Variants in URI1 observed in about 807,000 individuals in gnomAD.
URI1 encodes unconventional prefoldin RPB5 interactor 1.
In URI1, 39 loss-of-function variants were observed where a neutral mutation model predicts 60.2. The ratio of observed to expected loss-of-function variants is 0.65; its 90% CI spans 0.50 to 0.85. URI1 has a LOEUF of 0.85. Among genes scored for constraint, URI1 ranks in the 40% least tolerant of loss-of-function variants. The pLI is 0.00. For missense variants in URI1, 691 were observed against 665.9 expected (o/e 1.04, Z -0.42); for synonymous variants, 251 against 236.8 (o/e 1.06, Z -0.55).
At chr19:29,924,362 C>A (rs1034494291) in intron 1 of URI1, among the ~76,000 whole-genome samples, 1 of 152,182 alleles carries the variant, frequency 6.6e-6, no homozygotes, top group Non-Finnish European at 1.5e-5. Context: ...GTTTTACCAG[C>A]CTCCTCCACA....
At chr19:29,956,116 C>G (rs2055243600) in intron 1 of URI1, among the ~76,000 whole-genome samples, 1 of 151,734 alleles carries the variant, frequency 6.6e-6, no homozygotes, top group Non-Finnish European at 1.5e-5. Context: ...TCCCATGTTG[C>G]TGGGATTACA....
intron 1 of URI1, among the ~76,000 whole-genome samples, chr19:29,928,539 C>T (rs2054890061): frequency 6.6e-6 from 1 of 152,096 alleles, no homozygotes; most frequent in South Asian, 2.1e-4. Flanking sequence ...ATTTAAGTGG[C>T]AGGGACTTTG....
intron 4 of URI1, among the ~76,000 whole-genome samples, chr19:29,993,708 A>G (rs1433428861): frequency 6.6e-6 from 1 of 152,178 alleles, no homozygotes; most frequent in Non-Finnish European, 1.5e-5. Flanking sequence ...GACATGATAC[A>G]AAATCTAAAG....
chr19:29,944,139 T>TCATATATATA (rs2055067163), intron 1 of URI1, among the ~76,000 whole-genome samples: 1 of 30,564 alleles, frequency 3.3e-5, no homozygotes, highest in Non-Finnish European at 8.4e-5. Flanking sequence ...ACCCTGTCAT[T>TCATATATATA]CATATATATA....
At chr19:29,937,656 T>G (rs904592918), upstream of URI1, 5 of 152,224 alleles carry the variant, frequency 3.3e-5, no homozygotes, top group Non-Finnish European at 5.9e-5. Context: ...ACCAGTGACC[T>G]GGAAATGATA....
At chr19:29,990,810 C>T (rs528627134) in intron 4 of URI1, among the ~76,000 whole-genome samples, 7 of 152,196 alleles carry the variant, frequency 4.6e-5, no homozygotes, top group Non-Finnish European at 7.4e-5. Context: ...TTGCACAACC[C>T]TTTGAATATA....
At position 29,924,420 on chromosome 19, in the gene URI1, C is replaced by T. The variant is rs114637810; in HGVS notation, c.63+666C>T. Among the ~76,000 whole-genome samples, 372 of 152,272 alleles carry T rather than the reference C, an allele frequency of 2.4e-3. 1 individual carries two copies. The highest frequency in any genetic ancestry group is 8.2e-3 in the African/African-American group (341 of 41,538). The stretch of plus-strand genomic sequence containing the variant: ...AGGACAGGAGCCCCCCATTGTTGCT[C>T]GGTGTACTGGCGATCTAAACAAACA... On this transcript the variant is annotated intron_variant, in intron 1 of 10. Transcript: ENST00000360605.
At chr19:29,969,967 C>A (rs2055437590) in intron 1 of URI1, among the ~76,000 whole-genome samples, 1 of 151,726 alleles carries the variant, frequency 6.6e-6, no homozygotes, top group African/African-American at 2.4e-5. Flanking sequence ...ACTTTTTATG[C>A]TGAGTTAATG....
At position 29,951,082 on chromosome 19, in the gene URI1, G is replaced by A. The variant is rs544725986; in HGVS notation, c.117+8418G>A. ...TCCAGCCTGGGCAACAAAGTGGTAA[G>A]GTCCTGTCTCTAAAAACACACACAC... On this transcript the variant is annotated intron_variant, in intron 1 of 10. Transcript: ENST00000392271. Among the ~76,000 whole-genome samples the A allele has an allele frequency of 1.5e-4, 23 of 152,244 alleles. 1 individual carries two copies. The highest frequency in any genetic ancestry group is 5.3e-4 in the African/African-American group (22 of 41,548).
At chr19:29,949,319 G>A (rs2055146705) in intron 1 of URI1, among the ~76,000 whole-genome samples, 1 of 150,134 alleles carries the variant, frequency 6.7e-6, no homozygotes, top group African/African-American at 2.5e-5. Context: ...ACGGGGCGGC[G>A]GGGCGGAGGT....
Position 30,007,600 on chromosome 19 carries a change from A to T in URI1, c.648A>T (p.Glu216Asp). Residue 216 changes from glutamate to aspartate, a missense_variant, in exon 7 of 11, where the codon GAA becomes GAT. Glu to Asp is a conservative substitution (Grantham distance 45, BLOSUM62 2). Transcript: ENST00000392271. Reference protein sequence around the residue: ...ADKELWARLEELERQEELLGE... With the variant: ...ADKELWARLEDLERQEELLGE... ...AAGAACTGTGGGCTCGACTTGAAGA[A>T]CTAGAGAGACAGGAAGAATTGCTGG... The T allele has an allele frequency of 6.2e-7, 1 of 1,611,392 alleles. No homozygotes were observed. Among genetic ancestry groups the T allele is most frequent in the Non-Finnish European group, 8.5e-7 (1 of 1,178,700 alleles).
chr19:29,956,285 C>CTTTTTTT, intron 1 of URI1: 2 of 375,072 alleles, frequency 5.3e-6, no homozygotes, highest in Non-Finnish European at 4.3e-6. Flanking sequence ...CCAGAGTAGT[C>CTTTTTTT]TTTTTTTTTT....
At chr19:29,953,176 C>T (rs2055200817) in intron 1 of URI1, among the ~76,000 whole-genome samples, 1 of 152,122 alleles carries the variant, frequency 6.6e-6, no homozygotes, top group Non-Finnish European at 1.5e-5. Context: ...CTGCGCTAAC[C>T]AATGTGGTAG....
intron 4 of URI1, among the ~76,000 whole-genome samples, chr19:30,001,273 T>C (rs1356137016): frequency 3.9e-5 from 6 of 151,932 alleles, no homozygotes; most frequent in Non-Finnish European, 7.4e-5. Flanking sequence ...TGTTGACTGA[T>C]AGGTATTTTT....
At chr19:29,968,435 TTAAAG>T (rs2055415707) in intron 1 of URI1, among the ~76,000 whole-genome samples, 1 of 152,116 alleles carries the variant, frequency 6.6e-6, no homozygotes, top group Non-Finnish European at 1.5e-5. Flanking sequence ...AATTTAATAC[TTAAAG>T]TAATTAATCT....
At chr19:29,965,412 C>T (rs994685354) in intron 1 of URI1, among the ~76,000 whole-genome samples, 7 of 152,166 alleles carry the variant, frequency 4.6e-5, no homozygotes, top group African/African-American at 1.7e-4. Context: ...ATTTCAGATT[C>T]AGAAATGTAG....
intron 1 of URI1, among the ~76,000 whole-genome samples, chr19:29,958,247 A>G (rs973309600): frequency 5.3e-5 from 8 of 151,858 alleles, no homozygotes; most frequent in Non-Finnish European, 8.8e-5. Flanking sequence ...TTTTTGCCCT[A>G]TTGTATGGGC....
intron 4 of URI1, among the ~76,000 whole-genome samples, chr19:29,989,471 T>C (rs1434479366): frequency 6.6e-6 from 1 of 152,068 alleles, no homozygotes; most frequent in East Asian, 1.9e-4. Context: ...TCGCCCAGGC[T>C]GGAGTGCAGT....
In URI1 at chr19:30,012,485, C is replaced by A; in HGVS notation, c.1379C>A (p.Pro460Gln). ...DTSESILEEE[P>Q]QENQKKLLPL... is the part of the protein sequence containing the mutation. Reference sequence around the variant, plus strand: ...AGTGAGAGCATTTTGGAAGAGGAACCACAAGAAAATCAAAAGAAACTTTTG... The same window carrying A: ...AGTGAGAGCATTTTGGAAGAGGAACAACAAGAAAATCAAAAGAAACTTTTG... Residue 460 changes from proline to glutamine, a missense_variant, in exon 10 of 11, where the codon CCA becomes CAA. Coordinates refer to ENST00000392271, the MANE Select transcript of URI1 (RefSeq NM_003796.3). The A allele has an allele frequency of 6.2e-7, 1 of 1,614,156 alleles. No individual in the cohort carries two copies. The highest frequency in any genetic ancestry group is 8.5e-7 in the Non-Finnish European group (1 of 1,180,002).
Sources: allele counts gnomAD v4.1 joint callset (sites outside exome capture counted in the v4.1 genomes callset), GRCh38; gene constraint gnomAD v4.1.1; transcripts MANE v1.5; gene names NCBI Gene and HGNC (gene_info 2026-07-23, HGNC 2026-07-21).